The following MLLT1 variants were observed in gnomAD, a reference collection of about 807,000 sequenced individuals.
MLLT1 encodes protein ENL.
MLLT1 carries 11 observed loss-of-function variants against 55.1 expected under a neutral mutation model. The ratio of observed to expected loss-of-function variants is 0.20; its 90% CI spans 0.13 to 0.33. The LOEUF is 0.33. MLLT1 is among the 10% of genes least tolerant of loss of function. The probability of loss-of-function intolerance (pLI) is 1.00; values close to 1 mark genes in which losing one functional copy is unlikely to be tolerated. For missense variants in MLLT1, 536 were observed against 760.6 expected, an observed-to-expected ratio of 0.70 and a Z score of 3.47; for synonymous variants, 323 against 320.1, an observed-to-expected ratio of 1.01 and a Z score of -0.10.
At chr19:6,215,807 A>C (rs1299950305) in intron 8 of MLLT1, among the ~76,000 whole-genome samples, 1 of 152,188 alleles carries the variant, frequency 6.6e-6, no homozygotes, top group Non-Finnish European at 1.5e-5. Flanking sequence ...GGCCAAGGCC[A>C]GCACGTTCTC....
In MLLT1 at chr19:6,227,317, T is replaced by A. The variant is rs1600181081; in HGVS notation, c.421-215A>T. Among the ~76,000 whole-genome samples, 1 of 144,430 alleles carries A rather than the reference T, an allele frequency of 6.9e-6. No homozygotes were observed. Among genetic ancestry groups the A allele is most frequent in the Non-Finnish European group, 1.5e-5 (1 of 65,518 alleles). 94.8% of individuals were successfully genotyped at this position (144,430 alleles called of 152,430 possible). A position where few individuals can be genotyped will look rare whatever the true frequency, so the allele number is the denominator to read the frequency against. ...GTGGGGAGCGAAGAAAAGCCCAGGG[T>A]CCCAGGATGGCTGGGACCAGGTGGG... On this transcript the variant is annotated intron_variant, in intron 4 of 11. Coordinates refer to ENST00000252674, the MANE Select transcript of MLLT1 (RefSeq NM_005934.4). The surrounding 1 kb of genome is among the most constrained non-coding windows in gnomAD (Gnocchi z 5.1).
chr19:6,277,003 G>A (rs1475038647), intron 1 of MLLT1, among the ~76,000 whole-genome samples: 3 of 152,176 alleles, frequency 2.0e-5, no homozygotes, highest in Non-Finnish European at 2.9e-5. Flanking sequence ...GCGACTGGGC[G>A]GAAAGCTGTG....
rs952175992 is a variant in MLLT1 at position 6,211,932 on chromosome 19, A to C, written c.*1110T>G. On this transcript the variant is annotated 3_prime_UTR_variant, in exon 12 of 12. Coordinates refer to ENST00000252674, the MANE Select transcript of MLLT1 (RefSeq NM_005934.4). This position sits in a 1 kb window ranked among gnomAD's most constrained non-coding sequence, Gnocchi z 4.6. ...CCAGGCCGCGACCAGAGAGAAAGGC[A>C]GCCTGGGAGGGCCAGCCCGGCCAAC... 1.3e-5 allele frequency: 14 copies of C among 1,065,300 alleles called. No individual in the cohort carries two copies. The highest frequency in any genetic ancestry group is 1.6e-5 in the Non-Finnish European group (14 of 879,070). The allele number at this position is 1,065,300 out of a possible 1,614,324, so 66.0% of individuals were successfully genotyped here. A position where few individuals can be genotyped will look rare whatever the true frequency, so the allele number is the denominator to read the frequency against.
intron 5 of MLLT1, among the ~76,000 whole-genome samples, chr19:6,224,185 A>G (rs1186331287): frequency 6.6e-6 from 1 of 152,236 alleles, no homozygotes; most frequent in African/African-American, 2.4e-5. Flanking sequence ...TCTTCTTGCA[A>G]AGCCACAGCC....
intron 3 of MLLT1, among the ~76,000 whole-genome samples, chr19:6,261,841 C>T (rs752739806): frequency 3.9e-4 from 59 of 152,280 alleles, no homozygotes; most frequent in South Asian, 2.1e-4. Context: ...CGTAATCGGA[C>T]TGTAATCAGA....
intron 3 of MLLT1, among the ~76,000 whole-genome samples, chr19:6,258,607 G>A (rs563289138): frequency 5.3e-5 from 8 of 152,288 alleles, no homozygotes; most frequent in African/African-American, 1.7e-4. Flanking sequence ...AACAAAATGC[G>A]GCCTCAGTTA....
At chr19:6,279,703 A>AGGGCCGGGC (rs1211196585) in intron 1 of MLLT1, 70 bp downstream of exon 1, 2 of 61,468 alleles carry the variant, frequency 3.3e-5, no homozygotes, top group Non-Finnish European at 7.3e-5. Context: ...GGGACCGGGG[A>AGGGCCGGGC]GGGCCGGGCG....
intron 3 of MLLT1, among the ~76,000 whole-genome samples, chr19:6,258,112 G>A (rs1245976556): frequency 6.6e-6 from 1 of 152,136 alleles, no homozygotes. Flanking sequence ...ATTATTGTAT[G>A]AGCCTGCAAT....
rs547633273 is a variant in MLLT1, at chr19:6,224,421, C to CG, written c.547-1738_547-1737insC. On this transcript the variant is annotated intron_variant, in intron 5 of 11. Coordinates refer to ENST00000252674, the MANE Select transcript of MLLT1 (RefSeq NM_005934.4). ...CTGTGCTCCACAGCAAGCTACTACC[C>CG]AAGGAGGGAGGTGTGAGAGACTGCA... Among the ~76,000 whole-genome samples, 19 of 152,342 alleles carry CG rather than the reference C, an allele frequency of 1.2e-4. No individual in the cohort carries two copies. In the East Asian group the frequency reaches 3.5e-3, roughly 28 times the overall value.
chr19:6,264,658 C>T (rs1321469934), intron 2 of MLLT1, among the ~76,000 whole-genome samples: 2 of 152,144 alleles, frequency 1.3e-5, no homozygotes, highest in East Asian at 3.9e-4. Context: ...TAATCCTAGG[C>T]ACTCTGGGAG....
chr19:6,245,149 TTAGCAACA>T (rs2091155047), intron 3 of MLLT1, among the ~76,000 whole-genome samples: 1 of 152,182 alleles, frequency 6.6e-6, no homozygotes, highest in South Asian at 2.1e-4. Flanking sequence ...GAGCTCAGCC[TTAGCAACA>T]TAGTGAGACT....
At chr19:6,247,008 G>A (rs891856216) in intron 3 of MLLT1, among the ~76,000 whole-genome samples, 4 of 152,180 alleles carry the variant, frequency 2.6e-5, no homozygotes, top group Non-Finnish European at 5.9e-5. Flanking sequence ...GGAATTAAAC[G>A]GGTAAACAAA....
Position 6,279,822 on chromosome 19 carries a change from T to TCGC in MLLT1, c.-41_-39dup, listed in dbSNP as rs898522554. ...GCCCCGCCCCCGGGCCCCGCGTCGC[T>TCGC]CGCCGCCGCCGCCGCCGCCGCCGCC... On this transcript the variant is annotated 5_prime_UTR_variant, in exon 1 of 12. Transcript: ENST00000252674. The TCGC allele has an allele frequency of 8.2e-4, 121 of 148,436 alleles. No homozygotes were observed. The highest frequency in any genetic ancestry group is 1.9e-3 in the African/African-American group (77 of 39,634). 9.2% of individuals were successfully genotyped at this position (148,436 alleles called of 1,614,324 possible).
rs1271926347 is a variant in MLLT1 at position 6,266,994 on chromosome 19, G to A, written c.193+3585C>T. ...CAAACAAGCCAGAAAGCCAGGTAAG[G>A]CGGCTGACACCTGTAAACTCAGCTA... On this transcript the variant is annotated intron_variant, in intron 2 of 11. Coordinates refer to ENST00000252674, the MANE Select transcript of MLLT1 (RefSeq NM_005934.4). Among the ~76,000 whole-genome samples, 4 of 152,274 alleles carry A rather than the reference G, an allele frequency of 2.6e-5. No homozygotes were observed. The East Asian group carries it at 7.7e-4, about 29-fold the overall frequency.
At chr19:6,250,806 C>T (rs1263371529) in intron 3 of MLLT1, among the ~76,000 whole-genome samples, 1 of 152,114 alleles carries the variant, frequency 6.6e-6, no homozygotes, top group Non-Finnish European at 1.5e-5. Context: ...TGTTCAAAGC[C>T]GTACTTATTC....
chr19:6,268,493 A>T (rs1046045336), intron 2 of MLLT1, among the ~76,000 whole-genome samples: 14 of 152,196 alleles, frequency 9.2e-5, no homozygotes, highest in Admixed American at 7.2e-4. Flanking sequence ...GCAACTTTGT[A>T]CCTTACATGT....
In MLLT1 at chr19:6,222,656, G is replaced by C. The variant is rs758711300; in HGVS notation, c.575C>G (p.Ser192Cys). The C allele has an allele frequency of 6.4e-6, 10 of 1,558,788 alleles. No individual in the cohort carries two copies. In the South Asian group the frequency reaches 1.1e-4, roughly 18 times the overall value. Reference protein sequence around the residue: ...KDANKESSKTSKPHKVTKEHR... With the variant: ...KDANKESSKTCKPHKVTKEHR... Reference sequence around the variant, plus strand: ...CTCCTTGGTCACCTTGTGTGGCTTGGAGGTCTTGCTGCTCTCCTTGTTGGC... The same window carrying C: ...CTCCTTGGTCACCTTGTGTGGCTTGCAGGTCTTGCTGCTCTCCTTGTTGGC... Residue 192 changes from serine to cysteine, a missense_variant, in exon 6 of 12, where the codon TCC becomes TGC. Ser to Cys is a moderately radical substitution (Grantham distance 112). Around this residue, in one of 3 missense-constraint regions of MLLT1, gnomAD observed 449 missense variants for 489.0 expected, o/e 0.92. Transcript: ENST00000252674. The surrounding 1 kb of genome is among the most constrained non-coding windows in gnomAD (Gnocchi z 4.1).
chr19:6,274,363 G>C (rs2091417109), intron 1 of MLLT1, among the ~76,000 whole-genome samples: 1 of 152,190 alleles, frequency 6.6e-6, no homozygotes, highest in Non-Finnish European at 1.5e-5. Flanking sequence ...CAATTCCATA[G>C]CCAAGGGTAA....
chr19:6,223,553 G>A (rs2090924857), intron 5 of MLLT1, among the ~76,000 whole-genome samples: 1 of 152,174 alleles, frequency 6.6e-6, no homozygotes, highest in Non-Finnish European at 1.5e-5. Context: ...AGCCATCTGT[G>A]CCTGCTTCCT....
Sources: allele counts gnomAD v4.1 joint callset (sites outside exome capture counted in the v4.1 genomes callset), GRCh38; gene constraint gnomAD v4.1.1; regional missense constraint gnomAD v4.1.1; non-coding constraint Gnocchi (gnomAD v3.1); transcripts MANE v1.5; gene names NCBI Gene and HGNC (gene_info 2026-07-23, HGNC 2026-07-21).